ARVCF: variants seen among roughly 807,000 people sequenced by gnomAD.
ARVCF encodes splicing regulator ARVCF.
ARVCF carries 66 observed loss-of-function variants against 90.9 expected under a neutral mutation model. The observed-to-expected ratio is 0.73, with a 90% CI of 0.60 to 0.89. The LOEUF is 0.89. Among genes scored for constraint, ARVCF ranks in the 40% least tolerant of loss-of-function variants. The pLI is 0.00. For missense variants in ARVCF, 1,469 were observed against 1,382.3 expected (o/e 1.06, Z -1.00); for synonymous variants, 653 against 603.4 (o/e 1.08, Z -1.21).
In ARVCF at chr22:19,973,664, G is replaced by A. The variant is rs1381433990; in HGVS notation, c.2218C>T (p.Arg740Trp). Residue 740 changes from arginine (R) to tryptophan (W), a missense_variant, in exon 13 of 20, where the codon CGG becomes TGG. Arg to Trp is a moderately radical substitution (Grantham distance 101). Coordinates refer to ENST00000263207, the MANE Select transcript of ARVCF (RefSeq NM_001670.3). ...TCACCGATGAGGTCTTTGTTGCGCC[G>A]GTCCAGCGAGAGGTTGCGCAGAGCG... Reference protein sequence around the residue: ...AIALRNLSLDRRNKDLIGSYA... With the variant: ...AIALRNLSLDWRNKDLIGSYA... 7 of 1,609,374 alleles carry A rather than the reference G, an allele frequency of 4.3e-6. No homozygotes were observed. Among genetic ancestry groups the A allele is most frequent in the East Asian group, 4.5e-5 (2 of 44,836 alleles).
At chr22:19,997,307 C>T (rs557277813) in intron 2 of ARVCF, among the ~76,000 whole-genome samples, 1 of 152,334 alleles carries the variant, frequency 6.6e-6, no homozygotes, top group Non-Finnish European at 1.5e-5. Context: ...GTCCCAGCAA[C>T]TGTCCCTCCT....
intron 2 of ARVCF, among the ~76,000 whole-genome samples, chr22:19,996,522 T>C (rs919063100): frequency 6.6e-6 from 1 of 152,188 alleles, no homozygotes; most frequent in Admixed American, 6.5e-5. Flanking sequence ...TTTTCCATAA[T>C]GGAAGAAGCA....
At chr22:19,982,685 C>T (rs540212119) in intron 3 of ARVCF, among the ~76,000 whole-genome samples, 30 of 152,330 alleles carry the variant, frequency 2.0e-4, no homozygotes, top group Admixed American at 1.0e-3. Flanking sequence ...GACAGAAATA[C>T]GCAGTTCCCA....
chr22:19,976,055 G>T (rs369535434), intron 10 of ARVCF, among the ~76,000 whole-genome samples: 1 of 152,098 alleles, frequency 6.6e-6, no homozygotes, highest in Non-Finnish European at 1.5e-5. Flanking sequence ...CAACTGCCAG[G>T]TATGTAGACT....
chr22:19,972,357 C>T lies in ARVCF; in HGVS notation c.2695+1G>A, dbSNP rs200210011. The T allele has an allele frequency of 2.3e-4, 377 of 1,613,642 alleles. 1 individual carries two copies. The highest frequency in any genetic ancestry group is 9.7e-5 in the Non-Finnish European group (114 of 1,179,996). ...ACCAACCACACTGCATCTGCACTCA[C>T]CTGGGCCCAGCGCATCCATGGGGAT... is the stretch of plus-strand genomic sequence containing the variant. On this transcript the variant is annotated splice_donor_variant, in intron 17 of 19. Coordinates refer to ENST00000263207, the MANE Select transcript of ARVCF (RefSeq NM_001670.3). LOFTEE classifies it high-confidence loss of function.
intron 1 of ARVCF, among the ~76,000 whole-genome samples, chr22:20,011,404 A>T (rs577388451): frequency 1.3e-5 from 2 of 152,192 alleles, no homozygotes; most frequent in African/African-American, 4.8e-5. Flanking sequence ...CCCCGCCTCT[A>T]CGGTGTTTTC....
At position 19,975,722 on chromosome 22, in the gene ARVCF, T is replaced by C. The variant is rs1450257152; in HGVS notation, c.1924A>G (p.Thr642Ala). 1 of 1,613,628 alleles carries C rather than the reference T, an allele frequency of 6.2e-7. No homozygotes were observed. The highest frequency in any genetic ancestry group is 8.5e-7 in the Non-Finnish European group (1 of 1,179,960). ...KDGEMDRNFD[T>A]LDLPKRTEAA... ...TCAGTTCGCTTGGGCAGGTCTAGCG[T>C]GTCAAAGTTCCGGTCCATCTCACCA... is the stretch of plus-strand genomic sequence containing the variant. The change falls in exon 11 of 20, where the codon ACG (threonine) becomes GCG (alanine). Residue 642 changes from threonine to alanine, a missense_variant. Physicochemically the swap from Thr to Ala is moderately conservative, Grantham distance 58. Transcript: ENST00000263207.
At chr22:19,999,925 G>A (rs887895249) in intron 2 of ARVCF, among the ~76,000 whole-genome samples, 1 of 152,154 alleles carries the variant, frequency 6.6e-6, no homozygotes, top group African/African-American at 2.4e-5. Context: ...CTAGAACAAG[G>A]GGACAAAGTC....
At position 19,974,346 on chromosome 22, in the gene ARVCF, C is replaced by T. The variant is rs1052666149; in HGVS notation, c.1961-107G>A. The T allele has an allele frequency of 5.1e-6, 7 of 1,374,418 alleles. No individual in the cohort carries two copies. In the African/African-American group the frequency reaches 8.7e-5, roughly 17 times the overall value. 85.1% of individuals were successfully genotyped at this position (1,374,418 alleles called of 1,614,324 possible). Reference sequence around the variant, plus strand: ...CTCCCAGGGCGTGGGTGAGCTGGGGCCAGGGATGGGTGTGGATGAGTCACG... The same window carrying T: ...CTCCCAGGGCGTGGGTGAGCTGGGGTCAGGGATGGGTGTGGATGAGTCACG... On this transcript the variant is annotated intron_variant, in intron 11 of 19. Transcript: ENST00000263207.
chr22:19,970,882 G>T lies in ARVCF; in HGVS notation c.*13-139C>A, dbSNP rs2146213784. Reference sequence around the variant, plus strand: ...GAAGCATCTGCCCTGGGTGGTGTGGGCTGACCCCAAGGGTCTTGGCACCAG... The same window carrying T: ...GAAGCATCTGCCCTGGGTGGTGTGGTCTGACCCCAAGGGTCTTGGCACCAG... On this transcript the variant is annotated intron_variant, in intron 19 of 19. Transcript: ENST00000263207. The T allele has an allele frequency of 5.2e-6, 6 of 1,162,826 alleles. 1 individual carries two copies. The South Asian group carries it at 5.7e-5, about 11-fold the overall frequency. The allele number at this position is 1,162,826 out of a possible 1,614,324, so 72.0% of individuals were successfully genotyped here.
At chr22:19,992,100 C>T (rs992778134) in intron 2 of ARVCF, among the ~76,000 whole-genome samples, 4 of 152,236 alleles carry the variant, frequency 2.6e-5, no homozygotes, top group Admixed American at 6.5e-5. Flanking sequence ...GCCAGCAACA[C>T]GGTGCGGGGA....
chr22:19,979,999 G>T lies in ARVCF; in HGVS notation c.1140C>A (p.Ala380=). ...TCTCAAAGCACAGATGCTGCAGGTA[G>T]GCGGCCGCATTGGCCTTCACGGGGT... is the stretch of plus-strand genomic sequence containing the variant. ...PVDPVKANAA[A]YLQHLCFENE... is the part of the protein sequence containing the mutation. The change falls in exon 6 of 20, where the codon GCC becomes GCA. Residue 380 remains alanine (A), a synonymous_variant. Transcript: ENST00000263207. 1 of 1,595,442 alleles carries T rather than the reference G, an allele frequency of 6.3e-7. No homozygotes were observed. The highest frequency in any genetic ancestry group is 2.3e-5 in the East Asian group (1 of 43,970).
chr22:19,978,596 T>G lies in ARVCF; in HGVS notation c.1580+301A>C, dbSNP rs1004215204. ...GGCTGGGATGAGCCTCCCAGGCAGA[T>G]GAACAGGAAGGTCCCAGCTCCCCCT... On this transcript the variant is annotated intron_variant, in intron 7 of 19. Transcript: ENST00000263207. Among the ~76,000 whole-genome samples, 7 of 151,724 alleles carry G rather than the reference T, an allele frequency of 4.6e-5. No individual in the cohort carries two copies. In the East Asian group the frequency reaches 1.4e-3, roughly 29 times the overall value.
intron 8 of ARVCF, among the ~76,000 whole-genome samples, 171 bp from the exon 9 acceptor site, chr22:19,977,757 A>G (rs1157214489): frequency 1.3e-5 from 2 of 152,216 alleles, no homozygotes; most frequent in Non-Finnish European, 2.9e-5. Flanking sequence ...CATGGGAGGA[A>G]GCCTCTGCCC....
chr22:20,005,965 T>A (rs1016300279), intron 2 of ARVCF, among the ~76,000 whole-genome samples: 1 of 152,082 alleles, frequency 6.6e-6, no homozygotes, highest in African/African-American at 2.4e-5. Flanking sequence ...ATATCAGGCA[T>A]CAAATTCTGA....
intron 6 of ARVCF, 137 bp downstream of exon 6, chr22:19,979,606 A>T: frequency 7.6e-7 from 1 of 1,317,204 alleles, no homozygotes; most frequent in East Asian, 2.5e-5. Context: ...CTCCTGGGGC[A>T]AGCGTCTCAG....
intron 2 of ARVCF, among the ~76,000 whole-genome samples, chr22:20,001,475 CG>C (rs1569189162): frequency 6.6e-6 from 1 of 152,192 alleles, no homozygotes; most frequent in African/African-American, 2.4e-5. Context: ...AGGTTAAAGA[CG>C]GTGTTCAACT....
rs1171461306 is a variant in ARVCF, at chr22:19,973,716, G to A, written c.2166C>T (p.Thr722=). The A allele has an allele frequency of 1.2e-6, 2 of 1,609,798 alleles. No homozygotes were observed. The highest frequency in any genetic ancestry group is 1.3e-5 in the African/African-American group (1 of 74,956). The change falls in exon 13 of 20, where the codon ACC becomes ACT. Residue 722 remains threonine, a synonymous_variant. Coordinates refer to ENST00000263207, the MANE Select transcript of ARVCF (RefSeq NM_001670.3). ...PVLVELLQSE[T]DKVVRAVAIA... ...TGGCGACGGCGCGCACCACCTTGTC[G>A]GTCTCAGACTGCAGCAGTTCCACAA...
In ARVCF at chr22:19,973,715, C is replaced by G. The variant is rs771301838; in HGVS notation, c.2167G>C (p.Asp723His). The G allele has an allele frequency of 1.9e-6, 3 of 1,609,930 alleles. No homozygotes were observed. Among genetic ancestry groups the G allele is most frequent in the Non-Finnish European group, 2.5e-6 (3 of 1,179,920 alleles). The change falls in exon 13 of 20, where the codon GAC becomes CAC. Residue 723 changes from aspartate to histidine, a missense_variant. By Grantham distance (81) the Asp-to-His change is moderately conservative. Transcript: ENST00000263207. ...VLVELLQSET[D>H]KVVRAVAIAL... ...ATGGCGACGGCGCGCACCACCTTGTCGGTCTCAGACTGCAGCAGTTCCACA... is the reference window on the plus strand; with the variant it reads ...ATGGCGACGGCGCGCACCACCTTGTGGGTCTCAGACTGCAGCAGTTCCACA...
Sources: allele counts gnomAD v4.1 joint callset (sites outside exome capture counted in the v4.1 genomes callset), GRCh38; gene constraint gnomAD v4.1.1; transcripts MANE v1.5; gene names NCBI Gene and HGNC (gene_info 2026-07-23, HGNC 2026-07-21).